Variants in SLC16A7 observed in about 807,000 individuals in gnomAD.
SLC16A7 encodes the protein solute carrier family 16 member 7.
In SLC16A7, 33 loss-of-function variants were observed where a neutral mutation model predicts 34.9. That is an observed-to-expected ratio of 0.94 (90% CI 0.72 to 1.26). The LOEUF (loss-of-function observed/expected upper bound fraction) is 1.26, where lower values mean the gene tolerates loss of function less well. Ranked by LOEUF, SLC16A7 falls within the 50% of genes most tolerant of loss-of-function variation. The probability of loss-of-function intolerance (pLI) is 0.00; values close to 1 mark genes in which losing one functional copy is unlikely to be tolerated. For synonymous variants in SLC16A7, 201 were observed against 206.6 expected (o/e 0.97, Z 0.23); for missense variants, 573 against 578.1 (o/e 0.99, Z 0.09).
At chr12:59,736,707 T>C (rs560602079) in intron 3 of SLC16A7, among the ~76,000 whole-genome samples, 22 of 152,336 alleles carry the variant, frequency 1.4e-4, no homozygotes, top group Admixed American at 2.6e-4. Context: ...GCCTAGAAAT[T>C]AAGACCTCAT....
chr12:59,686,430 A>G (rs1871171589), intron 2 of SLC16A7, among the ~76,000 whole-genome samples: 1 of 152,072 alleles, frequency 6.6e-6, no homozygotes, highest in South Asian at 2.1e-4. Flanking sequence ...TTACTGTGAT[A>G]TATGTTTTTA....
intron 3 of SLC16A7, among the ~76,000 whole-genome samples, chr12:59,763,321 A>T (rs1284081869): frequency 6.6e-6 from 1 of 152,110 alleles, no homozygotes; most frequent in Non-Finnish European, 1.5e-5. Flanking sequence ...GACAGTGGAA[A>T]GTATTTTATT....
intron 1 of SLC16A7, among the ~76,000 whole-genome samples, chr12:59,627,045 G>C (rs1467942131): frequency 6.6e-6 from 1 of 151,756 alleles, no homozygotes; most frequent in Non-Finnish European, 1.5e-5. Context: ...ATTAATTCTT[G>C]TTATTACTTC....
At chr12:59,644,073 G>T (rs1199451903) in intron 1 of SLC16A7, among the ~76,000 whole-genome samples, 1 of 152,034 alleles carries the variant, frequency 6.6e-6, no homozygotes, top group Non-Finnish European at 1.5e-5. Context: ...TGAATATTTG[G>T]CTTAAAATAT....
At position 59,618,163 on chromosome 12, in the gene SLC16A7, A is replaced by T. The variant is rs552870894; in HGVS notation, c.-130+21927A>T. 3.9e-5 allele frequency among the ~76,000 whole-genome samples: 6 copies of T among 151,998 alleles called. No individual in the cohort carries two copies. The South Asian group carries it at 1.2e-3, about 31-fold the overall frequency. On this transcript the variant is annotated intron_variant, in intron 1 of 5. Transcript: ENST00000547379. Reference sequence around the variant, plus strand: ...TTTCTTTTTAGAGCCATAGTATTATAGCTTATATTGCTACACTGCTTATCA... The same window carrying T: ...TTTCTTTTTAGAGCCATAGTATTATTGCTTATATTGCTACACTGCTTATCA...
At chr12:59,753,925 T>A (rs983005460) in intron 3 of SLC16A7, among the ~76,000 whole-genome samples, 1 of 152,128 alleles carries the variant, frequency 6.6e-6, no homozygotes, top group East Asian at 1.9e-4. Context: ...CACAGTGCAA[T>A]CAAACTAGAA....
chr12:59,729,340 T>C (rs1003271266), intron 3 of SLC16A7, among the ~76,000 whole-genome samples: 9 of 152,228 alleles, frequency 5.9e-5, no homozygotes, highest in Non-Finnish European at 8.8e-5. Flanking sequence ...TCCTATCATC[T>C]CCTTTTGACT....
intron 5 of SLC16A7, among the ~76,000 whole-genome samples, chr12:59,777,219 T>C (rs1307837562): frequency 2.0e-5 from 3 of 152,208 alleles, no homozygotes; most frequent in African/African-American, 7.2e-5. Flanking sequence ...ATGGCAATAA[T>C]TGATTTTAGA....
At chr12:59,661,670 A>G (rs1320251430) in intron 2 of SLC16A7, among the ~76,000 whole-genome samples, 1 of 152,224 alleles carries the variant, frequency 6.6e-6, no homozygotes, top group African/African-American at 2.4e-5. Flanking sequence ...TTAGTGAGCC[A>G]CTGTTGTCAG....
chr12:59,782,100 G>A lies in SLC16A7; in HGVS notation c.*2421G>A, dbSNP rs2137495293. 1 of 152,232 alleles carries A rather than the reference G, an allele frequency of 6.6e-6. No individual in the cohort carries two copies. Among genetic ancestry groups the A allele is most frequent in the South Asian group, 2.1e-4 (1 of 4,822 alleles). 9.4% of individuals were successfully genotyped at this position (152,232 alleles called of 1,614,324 possible). On this transcript the variant is annotated 3_prime_UTR_variant, in exon 6 of 6. Coordinates refer to ENST00000547379, the MANE Select transcript of SLC16A7 (RefSeq NM_001270623.2). ...AACACTGTATTAAATTGTTAGAAAA[G>A]AAAGTAAAACTTGCACATTCAAAGC...
intron 3 of SLC16A7, among the ~76,000 whole-genome samples, chr12:59,761,898 A>C (rs1481791176): frequency 6.6e-6 from 1 of 152,114 alleles, no homozygotes; most frequent in Admixed American, 6.6e-5. Context: ...TATTTACTAA[A>C]AGAGAAGTCC....
intron 2 of SLC16A7, among the ~76,000 whole-genome samples, chr12:59,701,422 A>G (rs755190584): frequency 6.6e-6 from 1 of 151,656 alleles, no homozygotes; most frequent in Non-Finnish European, 1.5e-5. Context: ...TAAATTTACA[A>G]TTTCATAATA....
At position 59,757,976 on chromosome 12, in the gene SLC16A7, G is replaced by T. The variant is rs368920280; in HGVS notation, c.218-13243G>T. ...TTCCAGAGTCAGCAGAAGGCTATTA[G>T]TTTTTTAGCCATTTTAGCTATTAGT... On this transcript the variant is annotated intron_variant, in intron 3 of 5. Transcript: ENST00000547379. 8.5e-5 allele frequency among the ~76,000 whole-genome samples: 13 copies of T among 152,114 alleles called. 1 individual carries two copies. The highest frequency in any genetic ancestry group is 3.4e-3 in the Middle Eastern group (1 of 294).
intron 2 of SLC16A7, among the ~76,000 whole-genome samples, chr12:59,663,681 T>G (rs989029971): frequency 6.6e-6 from 1 of 152,076 alleles, no homozygotes; most frequent in Non-Finnish European, 1.5e-5. Flanking sequence ...AAACCTCAGT[T>G]TATGTCTGAT....
intron 2 of SLC16A7, among the ~76,000 whole-genome samples, chr12:59,684,180 A>G (rs1870967469): frequency 6.6e-6 from 1 of 152,220 alleles, no homozygotes; most frequent in African/African-American, 2.4e-5. Flanking sequence ...CATTTTTCCT[A>G]CTTTTTCTAG....
chr12:59,760,211 A>G (rs1880858089), intron 3 of SLC16A7, among the ~76,000 whole-genome samples: 1 of 152,116 alleles, frequency 6.6e-6, no homozygotes, highest in Non-Finnish European at 1.5e-5. Flanking sequence ...TCTAGATTTT[A>G]TTCCCTCTAA....
chr12:59,712,903 T>C (rs769569495), intron 3 of SLC16A7, among the ~76,000 whole-genome samples: 47 of 152,342 alleles, frequency 3.1e-4, no homozygotes, highest in South Asian at 1.2e-3. Flanking sequence ...GATAGATACA[T>C]GTGGTTAAGT....
chr12:59,637,237 C>A (rs1880469394), intron 1 of SLC16A7, among the ~76,000 whole-genome samples: 1 of 152,062 alleles, frequency 6.6e-6, no homozygotes, highest in African/African-American at 2.4e-5. Context: ...TAAAAAGTAC[C>A]TAAATTTAAG....
At chr12:59,755,329 A>G (rs1251430187) in intron 3 of SLC16A7, among the ~76,000 whole-genome samples, 1 of 152,204 alleles carries the variant, frequency 6.6e-6, no homozygotes, top group Non-Finnish European at 1.5e-5. Context: ...CTGTTTGCAA[A>G]TGACATGATT....
Sources: allele counts gnomAD v4.1 joint callset (sites outside exome capture counted in the v4.1 genomes callset), GRCh38; gene constraint gnomAD v4.1.1; transcripts MANE v1.5; gene names NCBI Gene and HGNC (gene_info 2026-07-23, HGNC 2026-07-21).